PSEN1: variants seen among roughly 807,000 people sequenced by gnomAD.
The protein encoded by PSEN1 is presenilin 1.
PSEN1 carries 15 observed loss-of-function variants against 53.5 expected under a neutral mutation model. The ratio of observed to expected loss-of-function variants is 0.28; its 90% CI spans 0.19 to 0.43. PSEN1 has a LOEUF of 0.43. Among genes scored for constraint, PSEN1 ranks in the 20% least tolerant of loss-of-function variants. The probability of loss-of-function intolerance (pLI) is 1.00; values close to 1 mark genes in which losing one functional copy is unlikely to be tolerated. For synonymous variants in PSEN1, 208 were observed against 209.8 expected (o/e 0.99, Z 0.08); for missense variants, 387 against 571.2 (o/e 0.68, Z 3.29).
intron 9 of PSEN1, 99 bp from the exon 10 acceptor site, chr14:73,211,670 C>A: frequency 1.5e-6 from 2 of 1,311,210 alleles, no homozygotes; most frequent in Non-Finnish European, 1.1e-6. Context: ...TAAGGGCCAG[C>A]TAGTTACAAT....
At chr14:73,217,962 A>G (rs979362671) in intron 11 of PSEN1, among the ~76,000 whole-genome samples, 3 of 149,942 alleles carry the variant, frequency 2.0e-5, no homozygotes, top group African/African-American at 7.4e-5. Context: ...TAATTTTTGT[A>G]TTTTTAGTAG....
intron 10 of PSEN1, among the ~76,000 whole-genome samples, chr14:73,212,447 C>T (rs920778172): frequency 6.6e-6 from 1 of 151,930 alleles, no homozygotes; most frequent in Non-Finnish European, 1.5e-5. Context: ...TACAGCCTGA[C>T]CTTTTGGCAT....
intron 9 of PSEN1, chr14:73,208,909 G>A: frequency 4.4e-6 from 2 of 454,580 alleles, no homozygotes; most frequent in South Asian, 1.6e-5. Context: ...GTGCCTGCAG[G>A]CCCACGGTAA....
In PSEN1 at chr14:73,220,777, A is replaced by G. The variant is rs1159475973; in HGVS notation, c.*1488A>G. ...GAGGTGCCTGCTGCAGTTACCATGG[A>G]GTTCAGGCTCTGGGCAGCTCAGTCA... On this transcript the variant is annotated 3_prime_UTR_variant, in exon 12 of 12. Coordinates refer to ENST00000324501, the MANE Select transcript of PSEN1 (RefSeq NM_000021.4). 1 of 151,976 alleles carries G rather than the reference A, an allele frequency of 6.6e-6. No homozygotes were observed. The highest frequency in any genetic ancestry group is 1.5e-5 in the Non-Finnish European group (1 of 68,060). The allele number at this position is 151,976 out of a possible 1,614,324, so 9.4% of individuals were successfully genotyped here.
At chr14:73,142,804 T>G (rs1245648915) in intron 1 of PSEN1, among the ~76,000 whole-genome samples, 1 of 152,200 alleles carries the variant, frequency 6.6e-6, no homozygotes, top group Admixed American at 6.5e-5. Context: ...AGATAAATGC[T>G]AGTTTCCCAT....
At chr14:73,178,219 C>CTT (rs34023728) in intron 5 of PSEN1, among the ~76,000 whole-genome samples, 5,781 of 127,908 alleles carry the variant, frequency 0.045, 414 homozygotes, top group African/African-American at 0.15. Flanking sequence ...ACACCCGGCC[C>CTT]TTTTTTTTTT....
intron 9 of PSEN1, among the ~76,000 whole-genome samples, chr14:73,207,444 C>T (rs1217152014): frequency 6.6e-6 from 1 of 152,026 alleles, no homozygotes; most frequent in East Asian, 1.9e-4. Context: ...GAAAAAAAGG[C>T]CTTAATTGAG....
At chr14:73,206,857 A>G (rs1489236431) in intron 9 of PSEN1, among the ~76,000 whole-genome samples, 1 of 152,224 alleles carries the variant, frequency 6.6e-6, no homozygotes, top group African/African-American at 2.4e-5. Context: ...GAAACAGACA[A>G]TAAAGGAAAA....
At chr14:73,147,565 C>T (rs761877415) in intron 1 of PSEN1, 5 of 198,934 alleles carry the variant, frequency 2.5e-5, no homozygotes, top group Non-Finnish European at 5.2e-5. Context: ...TGCTGGAAAT[C>T]AGAAGTCATT....
intron 3 of PSEN1, among the ~76,000 whole-genome samples, chr14:73,159,043 A>G (rs1344162228): frequency 2.6e-5 from 4 of 152,114 alleles, no homozygotes; most frequent in Non-Finnish European, 5.9e-5. Flanking sequence ...TGCCCATTTA[A>G]AAATTGCTTT....
At chr14:73,141,486 A>AT (rs916948088) in intron 1 of PSEN1, among the ~76,000 whole-genome samples, 1 of 152,100 alleles carries the variant, frequency 6.6e-6, no homozygotes, top group African/African-American at 2.4e-5. Context: ...TAGTTTAAAA[A>AT]TTTTTTTTAT....
chr14:73,212,766 A>G (rs972156396), intron 10 of PSEN1, among the ~76,000 whole-genome samples: 1 of 152,242 alleles, frequency 6.6e-6, no homozygotes, highest in Non-Finnish European at 1.5e-5. Context: ...ATCAGCCACT[A>G]AAGCCCTTTG....
At chr14:73,197,812 A>G (rs553801418) in intron 7 of PSEN1, 39 of 550,888 alleles carry the variant, frequency 7.1e-5, no homozygotes, top group Non-Finnish European at 1.2e-4. Context: ...CCCAAATGAA[A>G]TTTTTACAGA....
chr14:73,142,076 AAAAAG>A (rs1413564496), intron 1 of PSEN1, among the ~76,000 whole-genome samples: 6 of 151,986 alleles, frequency 3.9e-5, no homozygotes, highest in African/African-American at 9.7e-5. Flanking sequence ...CAAAAAAAAA[AAAAAG>A]AAAAGAAACT....
At chr14:73,209,010 G>A (rs1439960291) in intron 9 of PSEN1, 4 of 381,474 alleles carry the variant, frequency 1.0e-5, no homozygotes, top group Non-Finnish European at 1.6e-5. Flanking sequence ...TGGCATGTCA[G>A]TGCTGCCCCA....
chr14:73,146,544 G>A (rs1897076847), intron 1 of PSEN1, among the ~76,000 whole-genome samples: 1 of 152,128 alleles, frequency 6.6e-6, no homozygotes, highest in African/African-American at 2.4e-5. Context: ...GATGGACATG[G>A]TACATAAAAG....
At position 73,206,078 on chromosome 14, in the gene PSEN1, T is replaced by C. The variant is rs527420098; in HGVS notation, c.869-308T>C. 5.0e-5 allele frequency: 18 copies of C among 363,066 alleles called. No homozygotes were observed. In the East Asian group the frequency reaches 1.1e-3, roughly 21 times the overall value. The allele number at this position is 363,066 out of a possible 1,614,324, so 22.5% of individuals were successfully genotyped here. On this transcript the variant is annotated intron_variant, in intron 8 of 11. Coordinates refer to ENST00000324501, the MANE Select transcript of PSEN1 (RefSeq NM_000021.4). ...TAGAACATTCAACTAGTCCAGCTAT[T>C]GTTTCAGTGGAATCTTGCTGGCCTG...
intron 6 of PSEN1, among the ~76,000 whole-genome samples, chr14:73,187,906 T>C (rs1898572926): frequency 1.3e-5 from 2 of 152,198 alleles, no homozygotes; most frequent in Non-Finnish European, 2.9e-5. Flanking sequence ...TAACAGAATA[T>C]TAAGAGAATT....
At chr14:73,172,396 A>G (rs1264786708) in intron 4 of PSEN1, among the ~76,000 whole-genome samples, 1 of 152,232 alleles carries the variant, frequency 6.6e-6, no homozygotes, top group Non-Finnish European at 1.5e-5. Context: ...GGATTGAAGA[A>G]TATTATCCAT....
Sources: allele counts gnomAD v4.1 joint callset (sites outside exome capture counted in the v4.1 genomes callset), GRCh38; gene constraint gnomAD v4.1.1; transcripts MANE v1.5; gene names NCBI Gene and HGNC (gene_info 2026-07-23, HGNC 2026-07-21).